CTTNBP2: variants seen among roughly 807,000 people sequenced by gnomAD.
The protein encoded by CTTNBP2 is cortactin binding protein 2.
A neutral mutation model predicts 156.9 loss-of-function variants in CTTNBP2; 108 were observed. The ratio of observed to expected loss-of-function variants is 0.69; its 90% CI spans 0.59 to 0.81. CTTNBP2 has a LOEUF of 0.81. CTTNBP2 is among the 30% of genes least tolerant of loss of function. The pLI, the probability that CTTNBP2 is intolerant of heterozygous loss-of-function variation, is 0.00. For synonymous variants in CTTNBP2, 767 were observed against 751.8 expected, an observed-to-expected ratio of 1.02 and a Z score of -0.33; for missense variants, 1,924 against 2,035.4, an observed-to-expected ratio of 0.95 and a Z score of 1.05.
chr7:117,873,061 A>G (rs1804736527), intron 1 of CTTNBP2, among the ~76,000 whole-genome samples: 2 of 152,182 alleles, frequency 1.3e-5, no homozygotes. Flanking sequence ...CTGGACGCAG[A>G]CAGGGAGCTG....
At chr7:117,766,641 G>A (rs912235937) in intron 9 of CTTNBP2, among the ~76,000 whole-genome samples, 3 of 152,112 alleles carry the variant, frequency 2.0e-5, no homozygotes, top group Admixed American at 2.0e-4. Context: ...CCCAAAAGAT[G>A]ATCAATTATC....
intron 2 of CTTNBP2, among the ~76,000 whole-genome samples, chr7:117,858,629 T>C (rs1336093168): frequency 2.0e-5 from 3 of 152,184 alleles, no homozygotes; most frequent in Non-Finnish European, 2.9e-5. Context: ...TTCACAGTGA[T>C]TGGCACTTAG....
intron 2 of CTTNBP2, among the ~76,000 whole-genome samples, chr7:117,853,765 A>AT (rs1272729694): frequency 6.6e-6 from 1 of 152,210 alleles, no homozygotes; most frequent in Admixed American, 6.5e-5. Context: ...CCTCATCTTT[A>AT]GTGTGTTCTC....
intron 2 of CTTNBP2, among the ~76,000 whole-genome samples, chr7:117,858,484 C>A (rs894743479): frequency 6.6e-6 from 1 of 152,226 alleles, no homozygotes; most frequent in Admixed American, 6.5e-5. Flanking sequence ...ATATCTGTGG[C>A]CTTCAATAAG....
At chr7:117,729,670 C>CA (rs1048340743) in intron 16 of CTTNBP2, among the ~76,000 whole-genome samples, 1 of 149,156 alleles carries the variant, frequency 6.7e-6, no homozygotes, top group Non-Finnish European at 1.5e-5. Flanking sequence ...AATTGCCTTC[C>CA]TTTTTTTTTT....
At chr7:117,826,234 A>G (rs1037089574) in intron 2 of CTTNBP2, among the ~76,000 whole-genome samples, 2 of 152,190 alleles carry the variant, frequency 1.3e-5, no homozygotes, top group Admixed American at 6.5e-5. Flanking sequence ...ACCATTATCA[A>G]CACTTACAGA....
chr7:117,835,759 A>G (rs1801897326), intron 2 of CTTNBP2, among the ~76,000 whole-genome samples: 1 of 152,148 alleles, frequency 6.6e-6, no homozygotes, highest in Non-Finnish European at 1.5e-5. Flanking sequence ...TGGAGATTAT[A>G]AGGATGCAGA....
chr7:117,713,672 A>T (rs1176976113), intron 22 of CTTNBP2: 1 of 152,184 alleles, frequency 6.6e-6, no homozygotes, highest in East Asian at 1.9e-4. Flanking sequence ...ATCCCCTTTA[A>T]ATCCTATTTT....
intron 3 of CTTNBP2, among the ~76,000 whole-genome samples, chr7:117,803,105 A>G (rs1356197103): frequency 6.6e-6 from 1 of 152,226 alleles, no homozygotes; most frequent in Non-Finnish European, 1.5e-5. Context: ...ACTATTCACA[A>G]TCAGCAAAGA....
intron 2 of CTTNBP2, among the ~76,000 whole-genome samples, chr7:117,839,791 G>GGGCCCCATGGCATAATCCACCT (rs1251155873): frequency 6.6e-6 from 1 of 152,056 alleles, no homozygotes; most frequent in Admixed American, 6.5e-5. Context: ...ATCATCTACA[G>GGGCCCCATGGCATAATCCACCT]GGCCCCATGG....
At chr7:117,775,349 A>C (rs927664965) in intron 8 of CTTNBP2, among the ~76,000 whole-genome samples, 1 of 152,136 alleles carries the variant, frequency 6.6e-6, no homozygotes, top group Admixed American at 6.6e-5. Context: ...TCCTTGGACA[A>C]TATGCCAGAG....
At chr7:117,873,102 G>A (rs1259684061) in intron 1 of CTTNBP2, among the ~76,000 whole-genome samples, 1 of 152,196 alleles carries the variant, frequency 6.6e-6, no homozygotes, top group African/African-American at 2.4e-5. Context: ...GCCGCTTCCC[G>A]TGGGGCGCGG....
intron 14 of CTTNBP2, among the ~76,000 whole-genome samples, chr7:117,738,890 T>C (rs564352190): frequency 2.3e-4 from 35 of 152,302 alleles, no homozygotes; most frequent in African/African-American, 8.2e-4. Flanking sequence ...AAATACTATA[T>C]TGCTAGTGAC....
At chr7:117,820,042 T>G (rs907730244) in intron 2 of CTTNBP2, among the ~76,000 whole-genome samples, 1 of 152,228 alleles carries the variant, frequency 6.6e-6, no homozygotes, top group Admixed American at 6.5e-5. Flanking sequence ...CATTTTCTTT[T>G]GACCTTGTAT....
At chr7:117,719,752 C>G (rs1244278259) in intron 20 of CTTNBP2, 116 bp from the exon 21 acceptor site, 2 of 709,326 alleles carry the variant, frequency 2.8e-6, no homozygotes, top group African/African-American at 3.6e-5. Flanking sequence ...TTTTTAATAG[C>G]CTTTAAAGTA....
intron 10 of CTTNBP2, among the ~76,000 whole-genome samples, chr7:117,758,764 T>C: frequency 6.6e-6 from 1 of 152,194 alleles, no homozygotes; most frequent in East Asian, 1.9e-4. Flanking sequence ...GGCACTAAAC[T>C]AAGTCCTTTA....
intron 14 of CTTNBP2, among the ~76,000 whole-genome samples, chr7:117,742,573 CAG>C (rs1354720452): frequency 6.6e-6 from 1 of 152,036 alleles, no homozygotes; most frequent in African/African-American, 2.4e-5. Context: ...AAACAAGAGA[CAG>C]AGAAACCGTC....
chr7:117,841,143 T>C (rs1218230807), intron 2 of CTTNBP2, among the ~76,000 whole-genome samples: 1 of 152,214 alleles, frequency 6.6e-6, no homozygotes. Flanking sequence ...AAGAATAGCA[T>C]TGTTTTGTAG....
In CTTNBP2 at chr7:117,725,038, A is replaced by G; in HGVS notation, c.4261+14T>C. 1 of 1,610,388 alleles carries G rather than the reference A, an allele frequency of 6.2e-7. No individual in the cohort carries two copies. The highest frequency in any genetic ancestry group is 8.5e-7 in the Non-Finnish European group (1 of 1,178,272). On this transcript the variant is annotated intron_variant, in intron 18 of 22. Transcript: ENST00000160373. Reference sequence around the variant, plus strand: ...GGTGTGAATTTCCTCTCCTCTCTGCAGAAACCCACATACCTGCTCTGGGGA... The same window carrying G: ...GGTGTGAATTTCCTCTCCTCTCTGCGGAAACCCACATACCTGCTCTGGGGA...
Sources: allele counts gnomAD v4.1 joint callset (sites outside exome capture counted in the v4.1 genomes callset), GRCh38; gene constraint gnomAD v4.1.1; transcripts MANE v1.5; gene names NCBI Gene and HGNC (gene_info 2026-07-23, HGNC 2026-07-21).